Variants in ODAD3 observed in about 807,000 individuals in gnomAD.
ODAD3 encodes the protein outer dynein arm docking complex subunit 3.
A neutral mutation model predicts 70.9 loss-of-function variants in ODAD3; 57 were observed. The observed-to-expected ratio is 0.80, with a 90% CI of 0.65 to 1.00. The LOEUF (loss-of-function observed/expected upper bound fraction) is 1.00. Among genes scored for constraint, ODAD3 ranks in the 50% least tolerant of loss-of-function variants. The pLI is 0.00. For missense variants in ODAD3, 797 were observed against 763.9 expected (o/e 1.04, Z -0.51); for synonymous variants, 327 against 315.9 (o/e 1.04, Z -0.37).
intron 7 of ODAD3, among the ~76,000 whole-genome samples, chr19:11,425,883 TA>T (rs1287040842): frequency 2.1e-5 from 3 of 144,048 alleles, no homozygotes; most frequent in African/African-American, 7.8e-5. Flanking sequence ...AAAGGATGGG[TA>T]GGGGGGTCAC....
chr19:11,426,354 G>T (rs1164448072), intron 6 of ODAD3, 88 bp from the exon 7 acceptor site: 1 of 1,606,990 alleles, frequency 6.2e-7, no homozygotes, highest in Non-Finnish European at 8.5e-7. Context: ...GGGCGGGGGC[G>T]TAGGGGAAGC....
chr19:11,421,087 G>A (rs767518010), intron 12 of ODAD3, 41 bp downstream of exon 12: 6 of 1,607,308 alleles, frequency 3.7e-6, no homozygotes, highest in Non-Finnish European at 5.1e-6. Flanking sequence ...ACCCAGCTTG[G>A]GGCCCCAACC....
At position 11,420,693 on chromosome 19, in the gene ODAD3, T is replaced by C; in HGVS notation, c.*142A>G. The stretch of plus-strand genomic sequence containing the variant: ...TGTGGGAACGTCTGGCCCGGCCCCT[T>C]CCTCCCCTCCGGGCGCCGCTGGCCG... On this transcript the variant is annotated 3_prime_UTR_variant, in exon 13 of 13. Transcript: ENST00000356392. The C allele has an allele frequency of 1.5e-6, 1 of 659,730 alleles. No homozygotes were observed. Among genetic ancestry groups the C allele is most frequent in the Non-Finnish European group, 2.6e-6 (1 of 378,300 alleles). 40.9% of individuals were successfully genotyped at this position (659,730 alleles called of 1,614,324 possible). A position where few individuals can be genotyped will look rare whatever the true frequency, so the allele number is the denominator to read the frequency against.
chr19:11,425,793 AG>A, intron 7 of ODAD3, among the ~76,000 whole-genome samples: 1 of 150,934 alleles, frequency 6.6e-6, no homozygotes, highest in African/African-American at 2.4e-5. Flanking sequence ...GGCGGGGCCA[AG>A]AGTGAGGGGG....
Position 11,426,783 on chromosome 19 carries a change from G to A in ODAD3, c.614C>T (p.Thr205Ile), listed in dbSNP as rs35061520. 0.027 allele frequency: 42,851 copies of A among 1,613,892 alleles called. 686 individuals carry two copies. The highest frequency in any genetic ancestry group is 0.032 in the Non-Finnish European group (38,292 of 1,179,892). The change falls in exon 5 of 13, where the codon ACC becomes ATC. Residue 205 changes from threonine to isoleucine, a missense_variant and splice_region_variant. Transcript: ENST00000356392. ...CAGGCGGTTCTCCAGGTTCCGCATG[G>A]TCTGGAGAGCAGCAGGGCTGGGCTG... ...AQNRHTEVAK[T>I]MRNLENRLEK...
intron 11 of ODAD3, 75 bp downstream of exon 11, chr19:11,421,602 G>GC: frequency 1.3e-6 from 2 of 1,519,172 alleles, no homozygotes; most frequent in Non-Finnish European, 1.8e-6. Flanking sequence ...TCCCGAAGTT[G>GC]CCCCCGGTTC....
rs770354797 is a variant in ODAD3 at position 11,431,090 on chromosome 19, A to G, written c.245-70T>C. The G allele has an allele frequency of 6.4e-6, 10 of 1,566,462 alleles. No individual in the cohort carries two copies. The African/African-American group carries it at 1.1e-4, about 17-fold the overall frequency. ...TGCATGGGTGCAACATCCCAGAGGAAAGACCTTTTTTGCAATCATCAACTT... is the reference window on the plus strand; with the variant it reads ...TGCATGGGTGCAACATCCCAGAGGAGAGACCTTTTTTGCAATCATCAACTT... On this transcript the variant is annotated intron_variant, in intron 1 of 12. Transcript: ENST00000356392.
rs1340966316 is a variant in ODAD3, at chr19:11,426,770, C to T, written c.627G>A (p.Leu209=). The part of the protein sequence containing the change: ...HTEVAKTMRN[L]ENRLEKAQMK... ...TCTGGGCCTTCTCCAGGCGGTTCTC[C>T]AGGTTCCGCATGGTCTGGAGAGCAG... Residue 209 remains leucine (L), a synonymous_variant, in exon 5 of 13, where the codon CTG becomes CTA. Transcript: ENST00000356392. The T allele has an allele frequency of 3.1e-6, 5 of 1,613,988 alleles. No homozygotes were observed. Among genetic ancestry groups the T allele is most frequent in the Middle Eastern group, 1.6e-4 (1 of 6,062 alleles).
At chr19:11,435,615 GGTCCAGAA>G (rs1969674932), upstream of ODAD3, 1 of 1,113,444 alleles carries the variant, frequency 9.0e-7, no homozygotes, top group Non-Finnish European at 1.2e-6. Flanking sequence ...GAAGTGACGG[GGTCCAGAA>G]ATTTCCGCTT....
rs760125841 is a variant in ODAD3 at position 11,422,532 on chromosome 19, G to T, written c.1373C>A (p.Ala458Glu). 5.0e-6 allele frequency: 8 copies of T among 1,591,282 alleles called. No homozygotes were observed. In the East Asian group the frequency reaches 1.6e-4, roughly 31 times the overall value. The change falls in exon 10 of 13, where the codon GCG (alanine) becomes GAG (glutamate). Residue 458 changes from alanine to glutamate, a missense_variant. Physicochemically the swap from Ala to Glu is moderately radical, Grantham distance 107. Transcript: ENST00000356392. This position sits in a 1 kb window ranked among gnomAD's most constrained non-coding sequence, Gnocchi z 4.6. ...AKDQLERALR[A>E]MQVAKDSLEH... is the part of the protein sequence containing the mutation. ...CAGGCTGTCCTTGGCCACTTGCATC[G>T]CCCGCAAGGCGCGCTCCAGCTGGTC...
At chr19:11,424,435 G>C (rs930716851) in intron 7 of ODAD3, among the ~76,000 whole-genome samples, 1 of 151,076 alleles carries the variant, frequency 6.6e-6, no homozygotes, top group Admixed American at 6.6e-5. Context: ...CCAGGAGGTC[G>C]AGACTGCAGT....
At chr19:11,427,096 C>A (rs1343061258) in intron 3 of ODAD3, 56 bp from the exon 4 acceptor site, 19 of 1,461,216 alleles carry the variant, frequency 1.3e-5, no homozygotes, top group Non-Finnish European at 1.4e-5. Context: ...CCGACACACA[C>A]CTAGCCCTTC....
intron 7 of ODAD3, among the ~76,000 whole-genome samples, chr19:11,425,710 A>G (rs1969354401): frequency 7.3e-6 from 1 of 137,440 alleles, no homozygotes; most frequent in Admixed American, 6.9e-5. Context: ...AACAACAACA[A>G]CCCAAAAAAC....
intron 1 of ODAD3, among the ~76,000 whole-genome samples, chr19:11,432,032 C>G (rs60386685): frequency 6.6e-6 from 1 of 151,304 alleles, no homozygotes; most frequent in African/African-American, 2.4e-5. Context: ...AATTACTTGA[C>G]CTCTGGAGGT....
chr19:11,425,697 T>A (rs11666794), intron 7 of ODAD3, among the ~76,000 whole-genome samples: 13,408 of 133,702 alleles, frequency 0.1, 2,032 homozygotes, highest in African/African-American at 0.3. Flanking sequence ...AAACAACAAC[T>A]ACAACAACAA....
chr19:11,429,171 G>A (rs1230779769), intron 3 of ODAD3, among the ~76,000 whole-genome samples: 1 of 151,828 alleles, frequency 6.6e-6, no homozygotes, highest in Non-Finnish European at 1.5e-5. Flanking sequence ...GAGCCACCGC[G>A]CCCGGCCTTT....
Position 11,424,006 on chromosome 19 carries a change from T to C in ODAD3, c.987A>G (p.Leu329=), listed in dbSNP as rs1388624564. The C allele has an allele frequency of 1.2e-6, 2 of 1,611,068 alleles. No individual in the cohort carries two copies. Among genetic ancestry groups the C allele is most frequent in the Non-Finnish European group, 1.7e-6 (2 of 1,179,794 alleles). The part of the protein sequence containing the change: ...ERKTHREHLL[L]QSDDTIQDSL... The stretch of plus-strand genomic sequence containing the variant: ...TGTCCTGGATGGTGTCGTCGGACTG[T>C]AGCAGCAGGTGCTCGCGGTGGGTCT... Residue 329 remains leucine (L), a synonymous_variant, in exon 8 of 13, where the codon CTA becomes CTG. Coordinates refer to ENST00000356392, the MANE Select transcript of ODAD3 (RefSeq NM_145045.5).
intron 3 of ODAD3, 100 bp from the exon 4 acceptor site, chr19:11,427,140 A>T: frequency 7.6e-7 from 1 of 1,312,448 alleles, no homozygotes; most frequent in Non-Finnish European, 1.0e-6. Flanking sequence ...GGCTTCCAGG[A>T]CTCCCCTCTC....
chr19:11,429,380 T>G (rs1969456352), intron 3 of ODAD3, among the ~76,000 whole-genome samples: 2 of 151,682 alleles, frequency 1.3e-5, no homozygotes, highest in Non-Finnish European at 2.9e-5. Flanking sequence ...CCTGGCTAAT[T>G]TTTTGTATTT....
Sources: gnomAD v4.1 joint callset for allele counts (sites outside exome capture counted in the v4.1 genomes callset) on GRCh38, gnomAD v4.1.1 for gene constraint, Gnocchi (gnomAD v3.1) non-coding constraint, MANE v1.5 for transcripts, NCBI Gene and HGNC (gene_info 2026-07-23, HGNC 2026-07-21) for gene names.